CEACAM5: variants seen among roughly 807,000 people sequenced by gnomAD.
CEACAM5 encodes CEA cell adhesion molecule 5.
A neutral mutation model predicts 63.0 loss-of-function variants in CEACAM5; 52 were observed. That is an observed-to-expected ratio of 0.83 (90% confidence interval 0.66 to 1.04). The LOEUF is 1.04. Among genes scored for constraint, CEACAM5 ranks in the 50% least tolerant of loss-of-function variants. The pLI, the probability that CEACAM5 is intolerant of heterozygous loss-of-function variation, is 0.00. For synonymous variants in CEACAM5, 357 were observed against 351.3 expected (o/e 1.02, Z -0.18); for missense variants, 790 against 864.8 (o/e 0.91, Z 1.08).
chr19:41,709,537 G>GACACACACACACAC lies in CEACAM5; in HGVS notation c.65-126_65-113dup, dbSNP rs71334990. ...CACACTGCTGACCTTGACCTAGTAG[G>GACACACACACACAC]ACACACACACACACACACACACACA... On this transcript the variant is annotated intron_variant, in intron 1 of 9. Transcript: ENST00000221992. The GACACACACACACAC allele has an allele frequency of 6.9e-4, 770 of 1,115,876 alleles. 4 individuals carry two copies. The African/African-American group carries it at 9.7e-3, about 14-fold the overall frequency. 69.1% of individuals were successfully genotyped at this position (1,115,876 alleles called of 1,614,324 possible).
intron 8 of CEACAM5, among the ~76,000 whole-genome samples, chr19:41,725,210 G>A (rs782086635): frequency 6.6e-6 from 1 of 151,960 alleles, no homozygotes; most frequent in African/African-American, 2.4e-5. Context: ...CTAATTATAG[G>A]CCTATTAAAT....
chr19:41,727,465 C>G, intron 9 of CEACAM5, 113 bp downstream of exon 9: 1 of 673,894 alleles, frequency 1.5e-6, no homozygotes, highest in Admixed American at 2.5e-5. Flanking sequence ...TTCCTCCTAC[C>G]CCCAAGCTCC....
chr19:41,722,738 T>G (rs1555816452), intron 8 of CEACAM5, among the ~76,000 whole-genome samples: 1 of 152,240 alleles, frequency 6.6e-6, no homozygotes, highest in Non-Finnish European at 1.5e-5. Context: ...CCACTTATCT[T>G]TCAATGGACT....
chr19:41,709,424 G>A (rs1260082555), intron 1 of CEACAM5, among the ~76,000 whole-genome samples: 1 of 152,114 alleles, frequency 6.6e-6, no homozygotes, highest in Non-Finnish European at 1.5e-5. Context: ...GGACCTGAAG[G>A]CAATGGGGAG....
chr19:41,714,372 C>A (rs1417116392), intron 2 of CEACAM5, among the ~76,000 whole-genome samples: 1 of 152,186 alleles, frequency 6.6e-6, no homozygotes, highest in African/African-American at 2.4e-5. Context: ...CTGGGAAAAA[C>A]TGCCCCACCT....
At chr19:41,713,368 G>A (rs1173551670) in intron 2 of CEACAM5, among the ~76,000 whole-genome samples, 17 of 152,142 alleles carry the variant, frequency 1.1e-4, no homozygotes, top group Admixed American at 3.3e-4. Context: ...TTTGGATTCC[G>A]TATTTTCAGA....
chr19:41,710,633 A>G (rs1368694876), intron 2 of CEACAM5, among the ~76,000 whole-genome samples: 1 of 152,028 alleles, frequency 6.6e-6, no homozygotes, highest in Non-Finnish European at 1.5e-5. Context: ...TTGAGACTCA[A>G]TGTGGGGAGG....
At position 41,715,769 on chromosome 19, in the gene CEACAM5, G is replaced by A. The variant is rs1555814930; in HGVS notation, c.823G>A (p.Gly275Arg). ...PPAQYSWFVN[G>R]TFQQSTQELF... is the part of the protein sequence containing the mutation. ...TGCACAGTACTCTTGGTTTGTCAATGGGACTTTCCAGCAATCCACCCAAGA... is the reference window on the plus strand; with the variant it reads ...TGCACAGTACTCTTGGTTTGTCAATAGGACTTTCCAGCAATCCACCCAAGA... The change falls in exon 4 of 10, where the codon GGG (glycine) becomes AGG (arginine). Residue 275 changes from glycine (G) to arginine (R), a missense_variant. By Grantham distance (125) the Gly-to-Arg change is moderately radical (BLOSUM62 -2). Coordinates refer to ENST00000221992, the MANE Select transcript of CEACAM5 (RefSeq NM_004363.6). The A allele has an allele frequency of 6.2e-7, 1 of 1,614,170 alleles. No individual in the cohort carries two copies. The highest frequency in any genetic ancestry group is 1.7e-5 in the Admixed American group (1 of 60,024).
At chr19:41,713,786 T>C (rs2072474128) in intron 2 of CEACAM5, among the ~76,000 whole-genome samples, 4 of 152,252 alleles carry the variant, frequency 2.6e-5, no homozygotes, top group African/African-American at 4.8e-5. Context: ...ACATGGTCCT[T>C]GAGGGCCAGA....
Position 41,715,809 on chromosome 19 carries a change from A to G in CEACAM5, c.863A>G (p.Asn288Ser), listed in dbSNP as rs201961466. 31 of 1,614,064 alleles carry G rather than the reference A, an allele frequency of 1.9e-5. No individual in the cohort carries two copies. Among genetic ancestry groups the G allele is most frequent in the Non-Finnish European group, 2.6e-5 (31 of 1,180,008 alleles). ...TCCACCCAAGAGCTCTTTATCCCCA[A>G]CATCACTGTGAATAATAGTGGATCC... ...QQSTQELFIPNITVNNSGSYT... is the reference protein window; with the variant it reads ...QQSTQELFIPSITVNNSGSYT... The change falls in exon 4 of 10, where the codon AAC becomes AGC. Residue 288 changes from asparagine to serine, a missense_variant. By Grantham distance (46) the Asn-to-Ser change is conservative. Coordinates refer to ENST00000221992, the MANE Select transcript of CEACAM5 (RefSeq NM_004363.6).
chr19:41,725,357 CT>C (rs797036122), intron 8 of CEACAM5, among the ~76,000 whole-genome samples: 2,433 of 137,320 alleles, frequency 0.018, 68 homozygotes, highest in African/African-American at 0.057. Context: ...TCTCCATTTT[CT>C]TTTTTTTTTT....
At chr19:41,719,246 A>G (rs1047519545) in intron 6 of CEACAM5, among the ~76,000 whole-genome samples, 1 of 152,214 alleles carries the variant, frequency 6.6e-6, no homozygotes, top group Non-Finnish European at 1.5e-5. Flanking sequence ...CACTATATAT[A>G]TCTAACATAA....
chr19:41,727,321 C>T lies in CEACAM5; in HGVS notation c.*5C>T. On this transcript the variant is annotated 3_prime_UTR_variant, in exon 9 of 10. Coordinates refer to ENST00000221992, the MANE Select transcript of CEACAM5 (RefSeq NM_004363.6). ...GTTGGGGTTGCTCTGATATAGCAGCCCTGGTGTAGTTTCTTCATTTCAGGA... is the reference window on the plus strand; with the variant it reads ...GTTGGGGTTGCTCTGATATAGCAGCTCTGGTGTAGTTTCTTCATTTCAGGA... 6.2e-7 allele frequency: 1 copy of T among 1,606,794 alleles called. No individual in the cohort carries two copies. The highest frequency in any genetic ancestry group is 8.5e-7 in the Non-Finnish European group (1 of 1,173,612).
Position 41,710,040 on chromosome 19 carries a change from G to C in CEACAM5, c.424+1G>C. 6.3e-7 allele frequency: 1 copy of C among 1,593,422 alleles called. No individual in the cohort carries two copies. The stretch of plus-strand genomic sequence containing the variant: ...GCAACTGGCCAGTTCCGGGTATACC[G>C]TGAGTGATTCCCCCATGACCTCTGG... On this transcript the variant is annotated splice_donor_variant, in intron 2 of 9. Coordinates refer to ENST00000221992, the MANE Select transcript of CEACAM5 (RefSeq NM_004363.6). LOFTEE classifies it high-confidence loss of function.
At position 41,708,676 on chromosome 19, in the gene CEACAM5, GTT is replaced by G; in HGVS notation, c.-55_-54del. Reference sequence around the variant, plus strand: ...ACAGTCACAGCAGCCTTGACAAAACGTTCCTGGAACTCAAGCTCTTCTCCACA... The same window carrying G: ...ACAGTCACAGCAGCCTTGACAAAACGCCTGGAACTCAAGCTCTTCTCCACA... On this transcript the variant is annotated 5_prime_UTR_variant, in exon 1 of 10. Transcript: ENST00000221992. 4 of 1,525,720 alleles carry G rather than the reference GTT, an allele frequency of 2.6e-6. No individual in the cohort carries two copies. Among genetic ancestry groups the G allele is most frequent in the Non-Finnish European group, 3.6e-6 (4 of 1,110,410 alleles). The allele number at this position is 1,525,720 out of a possible 1,614,324, so 94.5% of individuals were successfully genotyped here. A position where few individuals can be genotyped will look rare whatever the true frequency, so the allele number is the denominator to read the frequency against.
intron 1 of CEACAM5, 112 bp from the exon 2 acceptor site, chr19:41,709,568 T>A (rs9797511): frequency 0.019 from 20,396 of 1,088,376 alleles, 151 homozygotes; most frequent in Non-Finnish European, 0.023. Context: ...ACACACACAC[T>A]CACTCACTCC....
rs118125351 is a variant in CEACAM5, at chr19:41,709,969, A to G, written c.354A>G (p.Gly118=). ...LIQNIIQNDT[G]FYTLHVIKSD... The stretch of plus-strand genomic sequence containing the variant: ...AGAACATCATCCAGAATGACACAGG[A>G]TTCTACACCCTACACGTCATAAAGT... Residue 118 remains glycine (G), a synonymous_variant, in exon 2 of 10, where the codon GGA becomes GGG. Coordinates refer to ENST00000221992, the MANE Select transcript of CEACAM5 (RefSeq NM_004363.6). 47,051 of 1,613,804 alleles carry G rather than the reference A, an allele frequency of 0.029. 929 individuals carry two copies. Among genetic ancestry groups the G allele is most frequent in the Admixed American group, 0.097 (5,815 of 59,996 alleles).
Position 41,728,711 on chromosome 19 carries a change from C to T in CEACAM5, c.*37-473C>T, listed in dbSNP as rs539159593. On this transcript the variant is annotated intron_variant, in intron 9 of 9. Transcript: ENST00000221992. ...CTGAGGCAGGAGAATCGCTTGAACC[C>T]GGGAGGTGGAGATTGCAGTGAGCCG... Among the ~76,000 whole-genome samples, 191 of 142,454 alleles carry T rather than the reference C, an allele frequency of 1.3e-3. 1 individual carries two copies. The highest frequency in any genetic ancestry group is 4.7e-3 in the African/African-American group (178 of 37,782). The allele number at this position is 142,454 out of a possible 152,430, so 93.5% of individuals were successfully genotyped here. A position where few individuals can be genotyped will look rare whatever the true frequency, so the allele number is the denominator to read the frequency against.
At chr19:41,717,372 G>A (rs1450353813) in intron 4 of CEACAM5, 83 bp from the exon 5 acceptor site, 3 of 1,455,788 alleles carry the variant, frequency 2.1e-6, no homozygotes, top group Non-Finnish European at 2.8e-6. Flanking sequence ...TGAGAGGTGG[G>A]AGATGCCAAC....
Sources: allele counts gnomAD v4.1 joint callset (sites outside exome capture counted in the v4.1 genomes callset), GRCh38; gene constraint gnomAD v4.1.1; transcripts MANE v1.5; gene names NCBI Gene and HGNC (gene_info 2026-07-23, HGNC 2026-07-21).